Variants in PDE10A observed in about 807,000 individuals in gnomAD.
PDE10A encodes phosphodiesterase 10A.
In PDE10A, 39 loss-of-function variants were observed where a neutral mutation model predicts 97.7. The observed-to-expected ratio is 0.40, with a 90% CI of 0.31 to 0.52. PDE10A has a LOEUF of 0.52. PDE10A is among the 20% of genes least tolerant of loss of function. The pLI, the probability that PDE10A is intolerant of heterozygous loss-of-function variation, is 0.56. For synonymous variants in PDE10A, 371 were observed against 376.8 expected (o/e 0.98, Z 0.18); for missense variants, 731 against 1,047.8 (o/e 0.70, Z 4.17).
At chr6:165,947,779 G>C (rs971539509) in intron 1 of PDE10A, among the ~76,000 whole-genome samples, 1 of 152,076 alleles carries the variant, frequency 6.6e-6, no homozygotes, top group African/African-American at 2.4e-5. Flanking sequence ...ACAGGAAGGG[G>C]CTTCTCTTTG....
chr6:165,368,546 G>A (rs575266020), intron 18 of PDE10A, among the ~76,000 whole-genome samples: 6 of 151,762 alleles, frequency 4.0e-5, no homozygotes, highest in Non-Finnish European at 8.8e-5. Context: ...ATTTAAAAAG[G>A]GTATAACAAG....
At position 165,361,715 on chromosome 6, in the gene PDE10A, C is replaced by G. The variant is rs528211112; in HGVS notation, c.2783+17479G>C. ...TGGAGGCAGAGATTGGAGTGATACT[C>G]TCATAGACTACAAATGCCTGAAGTT... is the stretch of plus-strand genomic sequence containing the variant. On this transcript the variant is annotated intron_variant, in intron 18 of 21. Coordinates refer to ENST00000539869, the MANE Select transcript of PDE10A (RefSeq NM_001385079.1). Among the ~76,000 whole-genome samples the G allele has an allele frequency of 1.4e-3, 214 of 152,220 alleles. 1 individual carries two copies. The highest frequency in any genetic ancestry group is 4.9e-3 in the African/African-American group (202 of 41,542).
chr6:165,960,298 G>A (rs1228380090), intron 1 of PDE10A, among the ~76,000 whole-genome samples: 1 of 152,156 alleles, frequency 6.6e-6, no homozygotes, highest in Non-Finnish European at 1.5e-5. Flanking sequence ...AATTTTCCTG[G>A]AACACAGCAC....
chr6:165,374,778 G>A (rs1212270157), intron 18 of PDE10A, among the ~76,000 whole-genome samples: 9 of 137,900 alleles, frequency 6.5e-5, no homozygotes, highest in Non-Finnish European at 1.2e-4. Context: ...TTTACAAATT[G>A]AAGTTTTGTG....
At position 165,406,228 on chromosome 6, in the gene PDE10A, A is replaced by ATATGTGTG. The variant is rs140845501; in HGVS notation, c.2076+7272_2076+7273insCACACATA. 1.2e-3 allele frequency among the ~76,000 whole-genome samples: 167 copies of ATATGTGTG among 140,512 alleles called. 1 individual carries two copies. Among genetic ancestry groups the ATATGTGTG allele is most frequent in the African/African-American group, 4.2e-3 (157 of 37,190 alleles). 92.2% of individuals were successfully genotyped at this position (140,512 alleles called of 152,430 possible). On this transcript the variant is annotated intron_variant, in intron 13 of 21. Coordinates refer to ENST00000539869, the MANE Select transcript of PDE10A (RefSeq NM_001385079.1). ...TTCAAATTCAAGATGAGGGAAAAGG[A>ATATGTGTG]TGTGTGTGTGTGTGTGTGTGTGTGT...
intron 1 of PDE10A, among the ~76,000 whole-genome samples, chr6:165,848,183 C>T (rs1014856459): frequency 4.6e-5 from 7 of 152,088 alleles, no homozygotes; most frequent in African/African-American, 1.2e-4. Context: ...TTGTTCTTGA[C>T]GCATTCATTC....
intron 1 of PDE10A, chr6:165,894,233 C>G (rs1156516284): frequency 2.2e-6 from 1 of 453,162 alleles, no homozygotes; most frequent in African/African-American, 2.0e-5. Context: ...TATCATATGT[C>G]TGTCCTGTGA....
At chr6:165,484,492 T>C (rs1401592112) in intron 2 of PDE10A, among the ~76,000 whole-genome samples, 1 of 152,216 alleles carries the variant, frequency 6.6e-6, no homozygotes, top group East Asian at 1.9e-4. Context: ...ACTTGCTTGC[T>C]TGGGATCTAG....
chr6:165,706,910 A>G (rs150787342), intron 1 of PDE10A, among the ~76,000 whole-genome samples: 322 of 152,348 alleles, frequency 2.1e-3, no homozygotes, highest in African/African-American at 7.3e-3. Context: ...TCCATTAACA[A>G]AAGCAGGCAC....
At chr6:165,334,967 C>G (rs114390532) in intron 21 of PDE10A, among the ~76,000 whole-genome samples, 1 of 152,122 alleles carries the variant, frequency 6.6e-6, no homozygotes, top group African/African-American at 2.4e-5. Flanking sequence ...GTCTGTTCTC[C>G]GTCCTCCCAC....
chr6:165,588,608 T>C (rs577546841), intron 1 of PDE10A, among the ~76,000 whole-genome samples: 1 of 152,268 alleles, frequency 6.6e-6, no homozygotes, highest in Admixed American at 6.5e-5. Flanking sequence ...TTTATGATTT[T>C]ACTTTGTCCC....
chr6:165,966,914 A>G (rs551852569), intron 1 of PDE10A, among the ~76,000 whole-genome samples: 1 of 152,374 alleles, frequency 6.6e-6, no homozygotes, highest in Admixed American at 6.5e-5. Context: ...AATCTACACA[A>G]AGGAGAAAGA....
At chr6:165,750,150 C>A (rs1792964449) in intron 1 of PDE10A, among the ~76,000 whole-genome samples, 1 of 152,046 alleles carries the variant, frequency 6.6e-6, no homozygotes, top group Admixed American at 6.6e-5. Flanking sequence ...GAGAAGCGAG[C>A]AAGGCTTTGT....
At chr6:165,591,137 G>A (rs1223927982) in intron 1 of PDE10A, among the ~76,000 whole-genome samples, 1 of 152,146 alleles carries the variant, frequency 6.6e-6, no homozygotes, top group East Asian at 1.9e-4. Context: ...TGGCATGAAA[G>A]ACAGGAAATC....
intron 1 of PDE10A, among the ~76,000 whole-genome samples, chr6:165,609,964 C>A (rs1207798433): frequency 1.3e-5 from 2 of 152,158 alleles, no homozygotes; most frequent in East Asian, 1.9e-4. Flanking sequence ...ATGCCATCCC[C>A]ATCAAGCTAC....
chr6:165,808,574 G>C (rs1220275234), intron 1 of PDE10A, among the ~76,000 whole-genome samples: 1 of 152,192 alleles, frequency 6.6e-6, no homozygotes, highest in Non-Finnish European at 1.5e-5. Context: ...ATTCTATCCT[G>C]TTTTCTCTCT....
In PDE10A at chr6:165,531,712, GATT is replaced by G. The variant is rs1325528109; in HGVS notation, c.994+11725_994+11727del. ...CATATTTTATTAGCATTTATGTGTT[GATT>G]ATTATCTCACAGAAAAGAATTATAT... On this transcript the variant is annotated intron_variant, in intron 2 of 21. Coordinates refer to ENST00000539869, the MANE Select transcript of PDE10A (RefSeq NM_001385079.1). Among the ~76,000 whole-genome samples, 4 of 152,030 alleles carry G rather than the reference GATT, an allele frequency of 2.6e-5. No homozygotes were observed. In the South Asian group the frequency reaches 6.2e-4, roughly 24 times the overall value.
chr6:165,596,607 G>A (rs868323741), intron 1 of PDE10A, among the ~76,000 whole-genome samples: 9 of 152,124 alleles, frequency 5.9e-5, no homozygotes, highest in South Asian at 4.1e-4. Flanking sequence ...GCACACACCT[G>A]TAGTCCCAAC....
At chr6:165,449,666 C>T (rs1283689971) in intron 4 of PDE10A, among the ~76,000 whole-genome samples, 1 of 152,026 alleles carries the variant, frequency 6.6e-6, no homozygotes, top group Non-Finnish European at 1.5e-5. Flanking sequence ...AGACAGGTGC[C>T]TAGCATATGG....
Sources: gnomAD v4.1 joint callset for allele counts (sites outside exome capture counted in the v4.1 genomes callset) on GRCh38, gnomAD v4.1.1 for gene constraint, MANE v1.5 for transcripts, NCBI Gene and HGNC (gene_info 2026-07-23, HGNC 2026-07-21) for gene names.